The following ZEB2 variants were observed in gnomAD, a reference collection of about 807,000 sequenced individuals.
ZEB2 encodes zinc finger E-box binding homeobox 2.
In ZEB2, 6 loss-of-function variants were observed where a neutral mutation model predicts 99.9. The ratio of observed to expected loss-of-function variants is 0.06; its 90% CI spans 0.03 to 0.12. ZEB2 has a LOEUF of 0.12. ZEB2 is among the 10% of genes least tolerant of loss of function. ZEB2 has a pLI of 1.00. For synonymous variants in ZEB2, 517 were observed against 542.5 expected (o/e 0.95, Z 0.65); for missense variants, 969 against 1,502.8 (o/e 0.64, Z 5.87).
Position 144,399,930 on chromosome 2 carries a change from C to A in ZEB2, c.1257G>T (p.Gly419=). The change falls in exon 8 of 10, where the codon GGG becomes GGT. Residue 419 remains glycine (G), a synonymous_variant. Transcript: ENST00000627532. This position sits in a 1 kb window ranked among gnomAD's most constrained non-coding sequence, Gnocchi z 5.6. ...CTCCTAAAGGGCTGGTGGCTCCAAG[C>A]CCACCATTCATAAAGGGACTAGTGC... ...FSGTSPFMNG[G]LGATSPLGVH... is the part of the protein sequence containing the mutation. 6.2e-7 allele frequency: 1 copy of A among 1,614,182 alleles called. No individual in the cohort carries two copies. Among genetic ancestry groups the A allele is most frequent in the Non-Finnish European group, 8.5e-7 (1 of 1,180,020 alleles).
chr2:144,449,073 G>T (rs1704022455), intron 2 of ZEB2, among the ~76,000 whole-genome samples: 2 of 152,346 alleles, frequency 1.3e-5, no homozygotes, highest in East Asian at 1.9e-4. Context: ...CTCAGAAAGA[G>T]AAACTGGCTG....
At chr2:144,502,357 A>G (rs1225539674) in intron 2 of ZEB2, among the ~76,000 whole-genome samples, 1 of 152,036 alleles carries the variant, frequency 6.6e-6, no homozygotes, top group East Asian at 1.9e-4. Flanking sequence ...AAGTTATTCC[A>G]GCAATAATGC....
chr2:144,403,305 C>T (rs781017654), intron 6 of ZEB2, among the ~76,000 whole-genome samples: 12 of 152,092 alleles, frequency 7.9e-5, no homozygotes, highest in Non-Finnish European at 1.8e-4. Flanking sequence ...CATTTAGCTA[C>T]AAATATGTAT....
chr2:144,438,103 T>C (rs1703861181), intron 2 of ZEB2, among the ~76,000 whole-genome samples: 1 of 152,206 alleles, frequency 6.6e-6, no homozygotes, highest in African/African-American at 2.4e-5. Context: ...TAAAGAAATA[T>C]TTTTCTTGCA....
intron 2 of ZEB2, chr2:144,494,263 A>G (rs1174424880): frequency 6.6e-6 from 1 of 152,140 alleles, no homozygotes; most frequent in Non-Finnish European, 1.5e-5. Flanking sequence ...TAGCTCTTAA[A>G]CTATGTCCTA....
intron 2 of ZEB2, among the ~76,000 whole-genome samples, chr2:144,457,826 A>G (rs1704141160): frequency 6.6e-6 from 1 of 152,186 alleles, no homozygotes; most frequent in Non-Finnish European, 1.5e-5. Context: ...AATGGATTCT[A>G]CAAATGAACA....
intron 1 of ZEB2, chr2:144,517,773 C>G (rs1705186754): frequency 1.5e-6 from 1 of 684,340 alleles, no homozygotes; most frequent in African/African-American, 1.8e-5. Flanking sequence ...CCTCAGCCCC[C>G]GGCTCGGGAA....
At chr2:144,446,253 A>T (rs1348225070) in intron 2 of ZEB2, among the ~76,000 whole-genome samples, 2 of 152,100 alleles carry the variant, frequency 1.3e-5, no homozygotes, top group East Asian at 3.9e-4. Flanking sequence ...CTACTTCCCC[A>T]AATAGGCCAT....
intron 2 of ZEB2, among the ~76,000 whole-genome samples, chr2:144,474,358 A>G (rs1010643845): frequency 7.9e-5 from 12 of 152,206 alleles, no homozygotes; most frequent in Non-Finnish European, 1.3e-4. Flanking sequence ...CCATGTTAGC[A>G]CCTGGTCACA....
chr2:144,510,295 T>C (rs1705013189), intron 2 of ZEB2, among the ~76,000 whole-genome samples: 2 of 152,008 alleles, frequency 1.3e-5, no homozygotes, highest in African/African-American at 4.8e-5. Flanking sequence ...TCAGGCTGGG[T>C]GTGAGGACCC....
At chr2:144,487,209 T>A (rs1431849883) in intron 2 of ZEB2, among the ~76,000 whole-genome samples, 1 of 152,150 alleles carries the variant, frequency 6.6e-6, no homozygotes, top group African/African-American at 2.4e-5. Context: ...CATGTGAACT[T>A]AAGTTTTGGA....
chr2:144,461,214 A>G (rs1273221683), intron 2 of ZEB2: 1 of 151,602 alleles, frequency 6.6e-6, no homozygotes, highest in East Asian at 1.9e-4. Flanking sequence ...GGAAAGGTTT[A>G]TTACCTAAGG....
At chr2:144,392,388 G>A (rs758728127) in intron 9 of ZEB2, among the ~76,000 whole-genome samples, 4 of 152,202 alleles carry the variant, frequency 2.6e-5, no homozygotes, top group Non-Finnish European at 2.9e-5. Flanking sequence ...TTCAAGGCCC[G>A]TTAGCAATGC....
At chr2:144,504,099 A>C (rs979190073) in intron 2 of ZEB2, 5 of 12,206 alleles carry the variant, frequency 4.1e-4, no homozygotes, top group African/African-American at 6.0e-4. Context: ...AAAAAACAAC[A>C]AAAAAAACAA....
chr2:144,477,920 T>C (rs1704452612), intron 2 of ZEB2, among the ~76,000 whole-genome samples: 2 of 152,212 alleles, frequency 1.3e-5, no homozygotes, highest in South Asian at 4.1e-4. Context: ...TCTCTTTTCC[T>C]AGAATCTATT....
intron 2 of ZEB2, chr2:144,516,232 G>A (rs1459258057): frequency 9.5e-5 from 3 of 31,632 alleles, no homozygotes; most frequent in African/African-American, 3.4e-4. Flanking sequence ...ACCCCCCCCC[G>A]GCACCCTCGC....
intron 4 of ZEB2, chr2:144,405,337 A>C (rs943549091): frequency 1.8e-5 from 6 of 335,688 alleles, no homozygotes; most frequent in South Asian, 3.1e-5. Flanking sequence ...TTAAAAAGCC[A>C]ACAACTGCAT....
intron 4 of ZEB2, among the ~76,000 whole-genome samples, chr2:144,413,126 T>C (rs2149883633): frequency 6.6e-6 from 1 of 152,322 alleles, no homozygotes; most frequent in South Asian, 2.1e-4. Context: ...GTTTGCTTTT[T>C]CTTTACTGGC....
chr2:144,511,558 G>C (rs1419046293), intron 2 of ZEB2: 1 of 1,279,336 alleles, frequency 7.8e-7, no homozygotes, highest in Admixed American at 2.4e-5. Flanking sequence ...AAAACTGCTT[G>C]ATGAAGAAAT....
Sources: gnomAD v4.1 joint callset for allele counts (sites outside exome capture counted in the v4.1 genomes callset) on GRCh38, gnomAD v4.1.1 for gene constraint, Gnocchi (gnomAD v3.1) non-coding constraint, MANE v1.5 for transcripts, NCBI Gene and HGNC (gene_info 2026-07-23, HGNC 2026-07-21) for gene names.